RUNX2: variants seen among roughly 807,000 people sequenced by gnomAD.
The protein encoded by RUNX2 is RUNX family transcription factor 2.
A neutral mutation model predicts 51.7 loss-of-function variants in RUNX2; 10 were observed. The observed-to-expected ratio is 0.19, with a 90% CI of 0.12 to 0.33. RUNX2 has a LOEUF of 0.33. Ranked by LOEUF, RUNX2 falls within the 10% of genes least tolerant of loss-of-function variation. RUNX2 has a pLI of 1.00. For missense variants in RUNX2, 562 were observed against 691.3 expected (o/e 0.81, Z 2.10); for synonymous variants, 276 against 273.6 (o/e 1.01, Z -0.09).
intron 7 of RUNX2, among the ~76,000 whole-genome samples, chr6:45,518,534 A>C (rs943317710): frequency 6.6e-6 from 1 of 152,154 alleles, no homozygotes; most frequent in African/African-American, 2.4e-5. Context: ...TAGTTGGTCC[A>C]GCTCACAAAG....
intron 2 of RUNX2, chr6:45,365,093 T>C (rs1184923757): frequency 9.7e-6 from 7 of 718,632 alleles, no homozygotes; most frequent in Non-Finnish European, 1.5e-5. Flanking sequence ...ACTTGATTAA[T>C]AACAAATTAT....
chr6:45,453,062 C>A (rs1226365056), intron 5 of RUNX2, among the ~76,000 whole-genome samples: 1 of 152,200 alleles, frequency 6.6e-6, no homozygotes, highest in Non-Finnish European at 1.5e-5. Context: ...TGGTCCTTGG[C>A]ACTTCTGATG....
intron 2 of RUNX2, among the ~76,000 whole-genome samples, chr6:45,347,235 T>C (rs1265945048): frequency 6.6e-6 from 1 of 152,200 alleles, no homozygotes; most frequent in African/African-American, 2.4e-5. Context: ...AATTAAGAGA[T>C]ATAGTAAATT....
At chr6:45,497,659 A>G (rs1265462487) in intron 6 of RUNX2, among the ~76,000 whole-genome samples, 1 of 152,092 alleles carries the variant, frequency 6.6e-6, no homozygotes, top group Non-Finnish European at 1.5e-5. Context: ...GCCACCTTGT[A>G]CAACCCTTGA....
At chr6:45,334,978 A>G (rs1198401601) in intron 2 of RUNX2, among the ~76,000 whole-genome samples, 3 of 151,334 alleles carry the variant, frequency 2.0e-5, no homozygotes, top group Non-Finnish European at 4.5e-5. Context: ...AAAAACTGAT[A>G]TCAGTTAAAC....
intron 5 of RUNX2, among the ~76,000 whole-genome samples, chr6:45,441,466 A>T (rs2150374176): frequency 6.6e-6 from 1 of 152,316 alleles, no homozygotes. Flanking sequence ...CTTCCTCATC[A>T]GTTGCTGCAA....
intron 2 of RUNX2, among the ~76,000 whole-genome samples, chr6:45,379,396 C>G (rs1797171858): frequency 6.6e-6 from 1 of 152,154 alleles, no homozygotes; most frequent in Admixed American, 6.5e-5. Flanking sequence ...AATTAATGTT[C>G]ACATCTAAAG....
chr6:45,450,093 T>A (rs1311788700), intron 5 of RUNX2, among the ~76,000 whole-genome samples: 1 of 152,186 alleles, frequency 6.6e-6, no homozygotes, highest in African/African-American at 2.4e-5. Flanking sequence ...TGCTACAGAA[T>A]GGCATGACCA....
chr6:45,475,400 A>G (rs1799929189), intron 5 of RUNX2, among the ~76,000 whole-genome samples: 1 of 152,144 alleles, frequency 6.6e-6, no homozygotes, highest in African/African-American at 2.4e-5. Context: ...ATAGATGATG[A>G]CTTTTAGGAG....
chr6:45,547,411 A>G lies in RUNX2; in HGVS notation c.*106A>G, dbSNP rs1416746134. On this transcript the variant is annotated 3_prime_UTR_variant, in exon 9 of 9. Transcript: ENST00000647337. ...ATATATGTATATCGATTAGCTATCT[A>G]CAAAGTGCCTATTTTTTAGAAGATT... 1 of 952,700 alleles carries G rather than the reference A, an allele frequency of 1.0e-6. No individual in the cohort carries two copies. The highest frequency in any genetic ancestry group is 1.6e-5 in the African/African-American group (1 of 61,986). The allele number at this position is 952,700 out of a possible 1,614,324, so 59.0% of individuals were successfully genotyped here.
intron 5 of RUNX2, among the ~76,000 whole-genome samples, chr6:45,445,315 C>T (rs1019020849): frequency 2.0e-5 from 3 of 152,110 alleles, no homozygotes; most frequent in Non-Finnish European, 4.4e-5. Flanking sequence ...TGAGCCACCG[C>T]GCCCGGCCCA....
At chr6:45,536,024 G>A (rs553359093) in intron 7 of RUNX2, among the ~76,000 whole-genome samples, 5 of 152,080 alleles carry the variant, frequency 3.3e-5, no homozygotes, top group African/African-American at 4.8e-5. Flanking sequence ...AAAGCCTGAC[G>A]TGAAGTCACA....
At chr6:45,362,969 GTTT>G (rs1012667122) in intron 2 of RUNX2, among the ~76,000 whole-genome samples, 26 of 151,578 alleles carry the variant, frequency 1.7e-4, no homozygotes, top group Admixed American at 1.6e-3. Context: ...GAACAGTTTG[GTTT>G]TTTTAATATT....
chr6:45,399,130 C>T (rs1479171729), intron 2 of RUNX2, among the ~76,000 whole-genome samples: 1 of 151,938 alleles, frequency 6.6e-6, no homozygotes, highest in Non-Finnish European at 1.5e-5. Flanking sequence ...CTCCTCTTCC[C>T]TCCCATTTTT....
intron 5 of RUNX2, among the ~76,000 whole-genome samples, chr6:45,457,517 T>C (rs1026344543): frequency 6.6e-6 from 1 of 151,622 alleles, no homozygotes; most frequent in African/African-American, 2.4e-5. Flanking sequence ...TTGAAGACTC[T>C]AAAAATCCTG....
At chr6:45,386,957 T>C (rs1248018587) in intron 2 of RUNX2, among the ~76,000 whole-genome samples, 1 of 152,114 alleles carries the variant, frequency 6.6e-6, no homozygotes, top group Non-Finnish European at 1.5e-5. Context: ...TTGACAGTAA[T>C]GTGTAAGACA....
intron 7 of RUNX2, among the ~76,000 whole-genome samples, chr6:45,540,379 G>A (rs6933597): frequency 1.2e-3 from 188 of 152,224 alleles, no homozygotes; most frequent in African/African-American, 4.4e-3. Flanking sequence ...CAGATCTCAG[G>A]AAGCTCAAGG....
chr6:45,470,690 G>GT (rs1309145136), intron 5 of RUNX2, among the ~76,000 whole-genome samples: 3 of 152,114 alleles, frequency 2.0e-5, no homozygotes, highest in Non-Finnish European at 4.4e-5. Flanking sequence ...TCTCTATGAG[G>GT]TTTTCCCTTG....
At chr6:45,545,135 C>A in intron 7 of RUNX2, 82 bp from the exon 8 acceptor site, 1 of 1,183,790 alleles carries the variant, frequency 8.4e-7, no homozygotes, top group Non-Finnish European at 1.2e-6. Flanking sequence ...AAGGCTGTTG[C>A]TTCTCCTTCT....
Sources: gnomAD v4.1 joint callset for allele counts (sites outside exome capture counted in the v4.1 genomes callset) on GRCh38, gnomAD v4.1.1 for gene constraint, MANE v1.5 for transcripts, NCBI Gene and HGNC (gene_info 2026-07-23, HGNC 2026-07-21) for gene names.